LGR5: variants seen among roughly 807,000 people sequenced by gnomAD.
LGR5 encodes leucine rich repeat containing G protein-coupled receptor 5, also known as leucine-rich repeat-containing G protein-coupled receptor 5.
Under a neutral mutation model 76.7 loss-of-function variants are expected in LGR5, and 54 were observed. That is an observed-to-expected ratio of 0.70 (90% confidence interval 0.57 to 0.88). The LOEUF is 0.88. Ranked by LOEUF, LGR5 falls within the 40% of genes least tolerant of loss-of-function variation. LGR5 has a pLI of 0.00. For missense variants in LGR5, 1,078 were observed against 1,073.3 expected (o/e 1.00, Z -0.06); for synonymous variants, 406 against 421.9 (o/e 0.96, Z 0.46).
intron 1 of LGR5, among the ~76,000 whole-genome samples, chr12:71,468,732 T>G (rs1872962530): frequency 7.0e-6 from 1 of 143,238 alleles, no homozygotes; most frequent in Non-Finnish European, 1.5e-5. Context: ...TTTTTTTTTT[T>G]TGGTGCGTGG....
rs1256189045 is a variant in LGR5, at chr12:71,583,934, T to C, written c.1924T>C (p.Phe642Leu). The C allele has an allele frequency of 6.2e-7, 1 of 1,614,158 alleles. No individual in the cohort carries two copies. Among genetic ancestry groups the C allele is most frequent in the South Asian group, 1.1e-5 (1 of 91,082 alleles). Residue 642 changes from phenylalanine (F) to leucine (L), a missense_variant, in exon 18 of 18, where the codon TTT (phenylalanine) becomes CTT (leucine). By Grantham distance (22) the Phe-to-Leu change is conservative (BLOSUM62 0). Coordinates refer to ENST00000266674, the MANE Select transcript of LGR5 (RefSeq NM_003667.4). Reference sequence around the variant, plus strand: ...TGGGGTTGGTTGCCATGTCATTGGTTTTTTGTCCATTTTTGCTTCAGAATC... The same window carrying C: ...TGGGGTTGGTTGCCATGTCATTGGTCTTTTGTCCATTTTTGCTTCAGAATC... ...ENGVGCHVIG[F>L]LSIFASESSV...
chr12:71,556,237 G>A (rs534574330), intron 5 of LGR5, among the ~76,000 whole-genome samples: 5 of 151,976 alleles, frequency 3.3e-5, no homozygotes, highest in African/African-American at 1.2e-4. Context: ...TTAATACCTG[G>A]GTGATGAAAT....
At chr12:71,450,026 G>A (rs2137206594) in intron 1 of LGR5, among the ~76,000 whole-genome samples, 1 of 152,230 alleles carries the variant, frequency 6.6e-6, no homozygotes, top group South Asian at 2.1e-4. Context: ...ATTTAGAATG[G>A]GAAGAACCTT....
intron 2 of LGR5, among the ~76,000 whole-genome samples, chr12:71,519,145 C>T (rs1224319165): frequency 1.3e-5 from 2 of 152,118 alleles, no homozygotes. Flanking sequence ...TGTTATTCCA[C>T]TCCAGCCATG....
chr12:71,575,524 C>T (rs1463822973), intron 13 of LGR5, among the ~76,000 whole-genome samples: 1 of 152,046 alleles, frequency 6.6e-6, no homozygotes, highest in Non-Finnish European at 1.5e-5. Context: ...GTGTGGCCAA[C>T]ATGGTGAAAC....
At chr12:71,457,664 A>C (rs1307940169) in intron 1 of LGR5, among the ~76,000 whole-genome samples, 1 of 152,158 alleles carries the variant, frequency 6.6e-6, no homozygotes, top group African/African-American at 2.4e-5. Context: ...GTGACTTATA[A>C]TTGGTGTCTG....
chr12:71,541,350 A>G (rs1876870602), intron 4 of LGR5, among the ~76,000 whole-genome samples: 1 of 152,242 alleles, frequency 6.6e-6, no homozygotes, highest in Non-Finnish European at 1.5e-5. Flanking sequence ...AATTGCATGC[A>G]TGGCAGTCAT....
Position 71,561,762 on chromosome 12 carries a change from ATT to A in LGR5, c.786-12_786-11del. The A allele has an allele frequency of 6.6e-7, 1 of 1,525,982 alleles. No individual in the cohort carries two copies. Among genetic ancestry groups the A allele is most frequent in the Admixed American group, 1.8e-5 (1 of 54,720 alleles). The allele number at this position is 1,525,982 out of a possible 1,614,324, so 94.5% of individuals were successfully genotyped here. On this transcript the variant is annotated splice_polypyrimidine_tract_variant and intron_variant, in intron 7 of 17. Coordinates refer to ENST00000266674, the MANE Select transcript of LGR5 (RefSeq NM_003667.4). The stretch of plus-strand genomic sequence containing the variant: ...TTTACCCCACACAGGATTTTTTATA[ATT>A]TTTTTTCTCTTTCTAGAGGATTTCA...
chr12:71,571,680 C>CATGT, intron 12 of LGR5, 101 bp downstream of exon 12: 1 of 800,528 alleles, frequency 1.2e-6, no homozygotes, highest in East Asian at 2.5e-5. Flanking sequence ...ACTGGGGAGA[C>CATGT]ATGTGATCCT....
At chr12:71,477,909 T>C (rs983810396) in intron 1 of LGR5, among the ~76,000 whole-genome samples, 1 of 152,204 alleles carries the variant, frequency 6.6e-6, no homozygotes, top group Non-Finnish European at 1.5e-5. Flanking sequence ...ATACAACTCC[T>C]TGCCTCTGAG....
intron 1 of LGR5, among the ~76,000 whole-genome samples, chr12:71,442,644 C>T (rs779998343): frequency 4.6e-5 from 7 of 152,090 alleles, no homozygotes; most frequent in African/African-American, 1.7e-4. Flanking sequence ...AATTTGGTGT[C>T]CCTATATACT....
At chr12:71,459,692 C>T (rs1170032845) in intron 1 of LGR5, among the ~76,000 whole-genome samples, 2 of 152,048 alleles carry the variant, frequency 1.3e-5, no homozygotes, top group Non-Finnish European at 2.9e-5. Context: ...GGCAAGAAAA[C>T]AAAAGTAGTG....
chr12:71,536,633 GC>G (rs1250921815), intron 4 of LGR5, among the ~76,000 whole-genome samples: 1 of 152,260 alleles, frequency 6.6e-6, no homozygotes, highest in East Asian at 1.9e-4. Flanking sequence ...AATGGCGGTA[GC>G]CAGTAGGAAC....
chr12:71,516,470 C>T (rs999800139), intron 2 of LGR5, among the ~76,000 whole-genome samples: 1 of 152,006 alleles, frequency 6.6e-6, no homozygotes, highest in Non-Finnish European at 1.5e-5. Context: ...CAATAATTTC[C>T]CAAGGGTCTC....
chr12:71,480,612 G>C (rs549004543), intron 1 of LGR5, among the ~76,000 whole-genome samples: 7 of 152,214 alleles, frequency 4.6e-5, no homozygotes, highest in African/African-American at 1.7e-4. Context: ...CAATCCGAAG[G>C]GGGAAACCTT....
intron 1 of LGR5, among the ~76,000 whole-genome samples, chr12:71,469,300 T>C (rs1872990944): frequency 6.6e-6 from 1 of 152,244 alleles, no homozygotes; most frequent in Non-Finnish European, 1.5e-5. Context: ...TAGAATTGCC[T>C]CACTTCACAC....
At chr12:71,446,272 G>A (rs1454797983) in intron 1 of LGR5, among the ~76,000 whole-genome samples, 1 of 152,222 alleles carries the variant, frequency 6.6e-6, no homozygotes, top group Non-Finnish European at 1.5e-5. Flanking sequence ...TTGAAATACA[G>A]CTGAATTGTG....
chr12:71,440,325 G>C lies in LGR5; in HGVS notation c.212+33G>C. 2 of 1,587,354 alleles carry C rather than the reference G, an allele frequency of 1.3e-6. No homozygotes were observed. The highest frequency in any genetic ancestry group is 1.7e-6 in the Non-Finnish European group (2 of 1,165,424). On this transcript the variant is annotated intron_variant, in intron 1 of 17. Transcript: ENST00000266674. The surrounding 1 kb of genome is among the most constrained non-coding windows in gnomAD (Gnocchi z 5.3). ...CTTCCCCACGTCACTCCGGGAGAGA[G>C]ACTAAGAGGGGAAGGAAGGTTCGTC...
chr12:71,546,558 T>C (rs1293990242), intron 4 of LGR5, among the ~76,000 whole-genome samples: 1 of 152,054 alleles, frequency 6.6e-6, no homozygotes, highest in Non-Finnish European at 1.5e-5. Flanking sequence ...AGTCACCAAG[T>C]TCTGCCAGGC....
Sources: allele counts gnomAD v4.1 joint callset (sites outside exome capture counted in the v4.1 genomes callset), GRCh38; gene constraint gnomAD v4.1.1; non-coding constraint Gnocchi (gnomAD v3.1); transcripts MANE v1.5; gene names NCBI Gene and HGNC (gene_info 2026-07-23, HGNC 2026-07-21).